DNAH11: variants seen among roughly 807,000 people sequenced by gnomAD.
DNAH11 encodes the protein axonemal beta dynein heavy chain 11.
Under a neutral mutation model 526.0 loss-of-function variants are expected in DNAH11, and 442 were observed. That is an observed-to-expected ratio of 0.84 (90% CI 0.78 to 0.91). The LOEUF is 0.91. Ranked by LOEUF, DNAH11 falls within the 40% of genes least tolerant of loss-of-function variation. DNAH11 has a pLI of 0.00. For missense variants in DNAH11, 6,989 were observed against 5,448.7 expected, an observed-to-expected ratio of 1.28 and a Z score of -8.90; for synonymous variants, 2,461 against 1,935.9, an observed-to-expected ratio of 1.27 and a Z score of -7.12.
At chr7:21,738,265 T>G (rs944126751) in intron 46 of DNAH11, among the ~76,000 whole-genome samples, 2 of 152,208 alleles carry the variant, frequency 1.3e-5, no homozygotes, top group Admixed American at 1.3e-4. Flanking sequence ...TCCAGCGGCC[T>G]AAGAAGACAG....
chr7:21,656,883 G>T (rs1485213553), intron 29 of DNAH11, among the ~76,000 whole-genome samples: 1 of 152,068 alleles, frequency 6.6e-6, no homozygotes, highest in Non-Finnish European at 1.5e-5. Flanking sequence ...TTGATCTCTT[G>T]GGCTTTTTAG....
intron 2 of DNAH11, among the ~76,000 whole-genome samples, chr7:21,555,303 C>G (rs1269564940): frequency 1.3e-5 from 2 of 152,178 alleles, no homozygotes; most frequent in South Asian, 2.1e-4. Context: ...CTTTCCTTGT[C>G]CCTGATTCAA....
At chr7:21,735,022 T>G (rs905225048) in intron 45 of DNAH11, among the ~76,000 whole-genome samples, 1 of 151,460 alleles carries the variant, frequency 6.6e-6, no homozygotes, top group Non-Finnish European at 1.5e-5. Flanking sequence ...TAAAAAAAAT[T>G]AGCCGGGCGT....
intron 6 of DNAH11, among the ~76,000 whole-genome samples, chr7:21,566,237 C>T (rs1783662082): frequency 6.6e-6 from 1 of 152,182 alleles, no homozygotes; most frequent in African/African-American, 2.4e-5. Flanking sequence ...AGTCTTTCAA[C>T]AGCCAGAGTC....
At chr7:21,756,984 G>C (rs1169967361) in intron 54 of DNAH11, among the ~76,000 whole-genome samples, 1 of 152,040 alleles carries the variant, frequency 6.6e-6, no homozygotes, top group African/African-American at 2.4e-5. Flanking sequence ...ATATTTTACA[G>C]CATTTTCCAC....
intron 65 of DNAH11, among the ~76,000 whole-genome samples, chr7:21,828,259 A>G (rs1047125658): frequency 6.6e-6 from 1 of 152,082 alleles, no homozygotes; most frequent in African/African-American, 2.4e-5. Flanking sequence ...TAGCTTATGG[A>G]TTTTAAATAA....
In DNAH11 at chr7:21,589,287, C is replaced by A; in HGVS notation, c.2053C>A (p.Arg685Ser). 1.9e-6 allele frequency: 3 copies of A among 1,609,334 alleles called. No homozygotes were observed. The highest frequency in any genetic ancestry group is 2.5e-6 in the Non-Finnish European group (3 of 1,178,308). Reference protein sequence around the residue: ...MTTLLDQFESRIYNEWKSNVD... With the variant: ...MTTLLDQFESSIYNEWKSNVD... ...CACTTTGCTTGATCAATTTGAAAGT[C>A]GTATCTATAATGAATGGAAAAGTAA... Residue 685 changes from arginine (R) to serine (S), a missense_variant, in exon 12 of 82, where the codon CGT (arginine) becomes AGT (serine). Physicochemically the swap from Arg to Ser is moderately radical, Grantham distance 110. Transcript: ENST00000409508.
rs1274989305 is a variant in DNAH11 at position 21,894,629 on chromosome 7, A to G, written c.12757A>G (p.Asn4253Asp). ...LGQSTEEKVK[N>D]VLDDILEKLP... ...TTTGTGTTACTGATTTAAGGTTAAG[A>G]ATGTCTTGGATGACATTTTGGAGAA... The change falls in exon 78 of 82, where the codon AAT (asparagine) becomes GAT (aspartate). Residue 4253 changes from asparagine to aspartate, a missense_variant. Transcript: ENST00000409508. 6.2e-7 allele frequency: 1 copy of G among 1,613,416 alleles called. No homozygotes were observed. Among genetic ancestry groups the G allele is most frequent in the South Asian group, 1.1e-5 (1 of 90,788 alleles).
chr7:21,708,471 TCTC>T (rs1249735763), intron 40 of DNAH11, among the ~76,000 whole-genome samples: 8 of 152,292 alleles, frequency 5.3e-5, no homozygotes, highest in African/African-American at 1.9e-4. Flanking sequence ...CAGCGTGTAA[TCTC>T]CTCCTGCTGG....
intron 65 of DNAH11, among the ~76,000 whole-genome samples, chr7:21,838,716 C>CTATTTATTTATT (rs34468017): frequency 0.068 from 10,055 of 148,928 alleles, 562 homozygotes; most frequent in East Asian, 0.17. Flanking sequence ...GATTTTTAAA[C>CTATTTATTTATT]TATTTATTTA....
chr7:21,739,495 C>A, intron 47 of DNAH11, 76 bp from the exon 48 acceptor site: 2 of 1,069,512 alleles, frequency 1.9e-6, no homozygotes, highest in South Asian at 1.5e-5. Context: ...GCGATGAAGA[C>A]CTTTATGAAC....
At position 21,735,780 on chromosome 7, in the gene DNAH11, C is replaced by T. The variant is rs753465818; in HGVS notation, c.7581C>T (p.Leu2527=). ...TTGTAGGTGACACATTGGCAAGTCT[C>T]TCTGAGGATTACATAGTATCCCGTG... is the stretch of plus-strand genomic sequence containing the variant. ...TVFVGDTLAS[L]SEDYIVSRVP... Residue 2527 remains leucine, a synonymous_variant, in exon 46 of 82, where the codon CTC becomes CTT. Coordinates refer to ENST00000409508, the MANE Select transcript of DNAH11 (RefSeq NM_001277115.2). The T allele has an allele frequency of 6.8e-6, 11 of 1,613,982 alleles. No individual in the cohort carries two copies. The Admixed American group carries it at 1.0e-4, about 15-fold the overall frequency.
chr7:21,838,784 C>T (rs1782091931), intron 65 of DNAH11, among the ~76,000 whole-genome samples: 1 of 151,654 alleles, frequency 6.6e-6, no homozygotes, highest in African/African-American at 2.4e-5. Flanking sequence ...GGCTGGAGTG[C>T]AGTGGCCTGA....
chr7:21,812,655 A>G (rs961717348), intron 63 of DNAH11, among the ~76,000 whole-genome samples: 11 of 152,216 alleles, frequency 7.2e-5, no homozygotes, highest in Middle Eastern at 3.4e-3. Context: ...CCTTATTTCA[A>G]AAAGAAAGAA....
At position 21,683,879 on chromosome 7, in the gene DNAH11, G is replaced by T. The variant is rs867443666; in HGVS notation, c.5556G>T (p.Gln1852His). The T allele has an allele frequency of 1.9e-6, 3 of 1,613,680 alleles. No individual in the cohort carries two copies. In the Admixed American group the frequency reaches 5.0e-5, roughly 27 times the overall value. Reference sequence around the variant, plus strand: ...GCTTTGTTAATATTTGTGATGCCCAGTTCCAGTACTTCTATGAATACTTAG... The same window carrying T: ...GCTTTGTTAATATTTGTGATGCCCATTTCCAGTACTTCTATGAATACTTAG... ...KHCFVNICDA[Q>H]FQYFYEYLGN... Residue 1852 changes from glutamine to histidine, a missense_variant, in exon 32 of 82, where the codon CAG becomes CAT. Gln to His is a conservative substitution (Grantham distance 24). Coordinates refer to ENST00000409508, the MANE Select transcript of DNAH11 (RefSeq NM_001277115.2).
intron 43 of DNAH11, among the ~76,000 whole-genome samples, chr7:21,719,551 C>A (rs1784797670): frequency 6.6e-6 from 1 of 152,128 alleles, no homozygotes; most frequent in African/African-American, 2.4e-5. Context: ...ATGGCTTCTA[C>A]TAAAAAATAA....
intron 28 of DNAH11, among the ~76,000 whole-genome samples, chr7:21,641,667 A>G (rs1189070786): frequency 6.6e-6 from 1 of 152,134 alleles, no homozygotes; most frequent in Non-Finnish European, 1.5e-5. Flanking sequence ...ATGCCAGTTG[A>G]TTTTTCAGAT....
intron 63 of DNAH11, among the ~76,000 whole-genome samples, chr7:21,815,437 T>C (rs896240827): frequency 6.6e-6 from 1 of 152,258 alleles, no homozygotes; most frequent in Non-Finnish European, 1.5e-5. Context: ...AATATTGTGC[T>C]ACTTTTCCTA....
chr7:21,624,004 AG>A (rs1373032457), intron 25 of DNAH11, among the ~76,000 whole-genome samples: 2 of 151,788 alleles, frequency 1.3e-5, no homozygotes, highest in South Asian at 2.1e-4. Context: ...ATAAAAAAAA[AG>A]AATCCACTTT....
Sources: allele counts gnomAD v4.1 joint callset (sites outside exome capture counted in the v4.1 genomes callset), GRCh38; gene constraint gnomAD v4.1.1; transcripts MANE v1.5; gene names NCBI Gene and HGNC (gene_info 2026-07-23, HGNC 2026-07-21).